TSNARE1: variants seen among roughly 807,000 people sequenced by gnomAD.
The protein encoded by TSNARE1 is t-SNARE domain containing 1, also known as t-SNARE domain-containing protein 1.
Under a neutral mutation model 62.0 loss-of-function variants are expected in TSNARE1, and 49 were observed. The observed-to-expected ratio is 0.79, with a 90% confidence interval of 0.63 to 1.00. The LOEUF (loss-of-function observed/expected upper bound fraction) is 1.00. Ranked by LOEUF, TSNARE1 falls within the 50% of genes least tolerant of loss-of-function variation. TSNARE1 has a pLI of 0.00. For synonymous variants in TSNARE1, 328 were observed against 294.4 expected (o/e 1.11, Z -1.17); for missense variants, 755 against 700.1 (o/e 1.08, Z -0.88).
At chr8:142,363,937 G>T (rs936061024) in intron 1 of TSNARE1, among the ~76,000 whole-genome samples, 1 of 152,204 alleles carries the variant, frequency 6.6e-6, no homozygotes, top group Non-Finnish European at 1.5e-5. Flanking sequence ...GGGTCAAAGG[G>T]GATGATGAGT....
intron 1 of TSNARE1, among the ~76,000 whole-genome samples, chr8:142,375,334 G>A (rs1158455790): frequency 2.6e-5 from 4 of 152,234 alleles, no homozygotes; most frequent in Non-Finnish European, 4.4e-5. Context: ...GCAGTGGAGC[G>A]GTGCCCCGGG....
chr8:142,212,705 C>G (rs1399069107), intron 13 of TSNARE1, among the ~76,000 whole-genome samples: 1 of 152,048 alleles, frequency 6.6e-6, no homozygotes, highest in Non-Finnish European at 1.5e-5. Flanking sequence ...CACCGGCCCT[C>G]CCTCTCCTGG....
chr8:142,399,502 G>A (rs535073851), intron 1 of TSNARE1, among the ~76,000 whole-genome samples: 12 of 152,194 alleles, frequency 7.9e-5, no homozygotes, highest in South Asian at 6.2e-4. Context: ...GCCTCAATGC[G>A]CCCAAGAGGG....
intron 1 of TSNARE1, among the ~76,000 whole-genome samples, chr8:142,381,837 G>A (rs1163726825): frequency 6.6e-6 from 1 of 152,322 alleles, no homozygotes; most frequent in East Asian, 1.9e-4. Flanking sequence ...AGCCCTGCCT[G>A]CCTTGGCATT....
At chr8:142,257,928 A>G (rs908337129) in intron 12 of TSNARE1, among the ~76,000 whole-genome samples, 1 of 152,100 alleles carries the variant, frequency 6.6e-6, no homozygotes, top group African/African-American at 2.4e-5. Context: ...TTGAGCACGC[A>G]TACGCACACA....
At chr8:142,287,123 A>T (rs4610878) in intron 10 of TSNARE1, among the ~76,000 whole-genome samples, 39,576 of 147,210 alleles carry the variant, frequency 0.27, 5,770 homozygotes, top group African/African-American at 0.32. Context: ...ACCCTCCAGG[A>T]TGTGGAACCC....
At chr8:142,289,849 C>A (rs1444672756) in intron 10 of TSNARE1, among the ~76,000 whole-genome samples, 1 of 152,240 alleles carries the variant, frequency 6.6e-6, no homozygotes, top group Non-Finnish European at 1.5e-5. Flanking sequence ...CCTGCGGCTG[C>A]GAGAGAGCCG....
In TSNARE1 at chr8:142,318,651, A is replaced by T; in HGVS notation, c.894-17T>A. ...GCCGTGTGCCTGGGGGCCGAGAAGG[A>T]GCCAGGAGCGAAGGCAGGGGAGGAA... On this transcript the variant is annotated splice_polypyrimidine_tract_variant and intron_variant, in intron 6 of 13. Coordinates refer to ENST00000524325, the MANE Select transcript of TSNARE1 (RefSeq NM_145003.5). 8.1e-6 allele frequency: 13 copies of T among 1,613,134 alleles called. No homozygotes were observed. Among genetic ancestry groups the T allele is most frequent in the Non-Finnish European group, 1.1e-5 (13 of 1,179,812 alleles).
At chr8:142,335,265 G>A (rs898183346) in intron 4 of TSNARE1, among the ~76,000 whole-genome samples, 2 of 152,006 alleles carry the variant, frequency 1.3e-5, no homozygotes, top group Non-Finnish European at 2.9e-5. Context: ...CCATGTCAAC[G>A]AGGCAGGGTC....
chr8:142,251,892 G>C (rs1235909715), intron 12 of TSNARE1, among the ~76,000 whole-genome samples: 1 of 143,306 alleles, frequency 7.0e-6, no homozygotes, highest in Non-Finnish European at 1.5e-5. Flanking sequence ...CAGGGCCCGG[G>C]CACCATGTAC....
intron 10 of TSNARE1, among the ~76,000 whole-genome samples, chr8:142,297,646 G>A (rs188686795): frequency 2.0e-5 from 3 of 152,214 alleles, no homozygotes; most frequent in Admixed American, 6.5e-5. Flanking sequence ...CCCACCCCCC[G>A]AGCCCTGCGC....
At chr8:142,253,080 C>T (rs1041932795) in intron 12 of TSNARE1, among the ~76,000 whole-genome samples, 5 of 152,232 alleles carry the variant, frequency 3.3e-5, no homozygotes, top group African/African-American at 7.2e-5. Flanking sequence ...TGCCCACTCC[C>T]GGGTGCAGTA....
rs866919442 is a variant in TSNARE1 at position 142,326,456 on chromosome 8, C to T, written c.893+4445G>A. Among the ~76,000 whole-genome samples, 2 of 106,222 alleles carry T rather than the reference C, an allele frequency of 1.9e-5. 1 individual carries two copies. Among genetic ancestry groups the T allele is most frequent in the Admixed American group, 1.9e-4 (2 of 10,586 alleles). 69.7% of individuals were successfully genotyped at this position (106,222 alleles called of 152,430 possible). On this transcript the variant is annotated intron_variant, in intron 6 of 13. Transcript: ENST00000524325. The stretch of plus-strand genomic sequence containing the variant: ...GAGACGGATGACGAACCAGCACCAG[C>T]GAAGGGGAGGGCCCCGGAGGGCATG...
chr8:142,338,033 C>G (rs1469018835), intron 4 of TSNARE1, among the ~76,000 whole-genome samples: 1 of 152,180 alleles, frequency 6.6e-6, no homozygotes, highest in Non-Finnish European at 1.5e-5. Context: ...AATTCATTTC[C>G]CAGATTCCAT....
chr8:142,405,500 AGGTCCCAGAGG>A (rs1838572170), upstream of TSNARE1: 1 of 152,242 alleles, frequency 6.6e-6, no homozygotes, highest in Non-Finnish European at 1.5e-5. Context: ...CTACCATTCC[AGGTCCCAGAGG>A]GAATGTGGGC....
At chr8:142,223,171 CAAG>C (rs1563756898) in intron 13 of TSNARE1, among the ~76,000 whole-genome samples, 2 of 33,532 alleles carry the variant, frequency 6.0e-5, no homozygotes, top group African/African-American at 1.4e-4. Flanking sequence ...CTCACTCACT[CAAG>C]TATTCACTCA....
At chr8:142,261,445 C>T (rs570584597) in intron 12 of TSNARE1, among the ~76,000 whole-genome samples, 2 of 148,356 alleles carry the variant, frequency 1.3e-5, no homozygotes, top group African/African-American at 2.5e-5. Context: ...GAGGGAGGAC[C>T]GGGGAGGGAG....
chr8:142,394,231 T>C (rs1439889859), intron 1 of TSNARE1, among the ~76,000 whole-genome samples: 1 of 152,174 alleles, frequency 6.6e-6, no homozygotes, highest in Non-Finnish European at 1.5e-5. Context: ...TGGGGGCAGA[T>C]ACGCAGAAAG....
intron 1 of TSNARE1, among the ~76,000 whole-genome samples, chr8:142,397,849 G>C (rs1474569727): frequency 6.6e-6 from 1 of 152,178 alleles, no homozygotes. Flanking sequence ...CCAGCACACA[G>C]TGCCAAGGCA....
Sources: gnomAD v4.1 joint callset for allele counts (sites outside exome capture counted in the v4.1 genomes callset) on GRCh38, gnomAD v4.1.1 for gene constraint, MANE v1.5 for transcripts, NCBI Gene and HGNC (gene_info 2026-07-23, HGNC 2026-07-21) for gene names.